ST3GAL5: variants seen among roughly 807,000 people sequenced by gnomAD.
The protein encoded by ST3GAL5 is lactosylceramide alpha-2,3-sialyltransferase.
In ST3GAL5, 25 loss-of-function variants were observed where a neutral mutation model predicts 46.1. That is an observed-to-expected ratio of 0.54 (90% CI 0.40 to 0.76). The LOEUF (loss-of-function observed/expected upper bound fraction) is 0.76. Among genes scored for constraint, ST3GAL5 ranks in the 30% least tolerant of loss-of-function variants. ST3GAL5 has a pLI of 0.00. For missense variants in ST3GAL5, 431 were observed against 521.2 expected, an observed-to-expected ratio of 0.83 and a Z score of 1.69; for synonymous variants, 182 against 192.7, an observed-to-expected ratio of 0.94 and a Z score of 0.46.
chr2:85,839,315 T>A lies in ST3GAL5; in HGVS notation c.*829A>T, dbSNP rs1050159533. ...CAAAACATTATTCCTGGAAAGGGTGTACTCTCCCATGACTCTGGATAATAG... is the reference window on the plus strand; with the variant it reads ...CAAAACATTATTCCTGGAAAGGGTGAACTCTCCCATGACTCTGGATAATAG... On this transcript the variant is annotated 3_prime_UTR_variant, in exon 7 of 7. Transcript: ENST00000638572. The A allele has an allele frequency of 1.3e-5, 2 of 152,228 alleles. No homozygotes were observed. Among genetic ancestry groups the A allele is most frequent in the Non-Finnish European group, 2.9e-5 (2 of 68,042 alleles). The allele number at this position is 152,228 out of a possible 1,614,324, so 9.4% of individuals were successfully genotyped here.
chr2:85,851,904 T>C (rs1683557810), intron 3 of ST3GAL5, among the ~76,000 whole-genome samples: 1 of 152,250 alleles, frequency 6.6e-6, no homozygotes, highest in South Asian at 2.1e-4. Context: ...GTTTCAGTTT[T>C]TAACATCTTC....
chr2:85,872,958 A>G (rs112008228), intron 1 of ST3GAL5, among the ~76,000 whole-genome samples: 3,133 of 152,354 alleles, frequency 0.021, 102 homozygotes, highest in African/African-American at 0.072. Flanking sequence ...TGCAACAGCT[A>G]CAACTACAGC....
At chr2:85,875,839 T>C (rs984526238) in intron 1 of ST3GAL5, among the ~76,000 whole-genome samples, 4 of 152,032 alleles carry the variant, frequency 2.6e-5, no homozygotes, top group African/African-American at 9.7e-5. Flanking sequence ...TCAGAGGAAC[T>C]CCTCTTTGCG....
chr2:85,875,565 C>T (rs950026732), intron 1 of ST3GAL5: 1 of 151,918 alleles, frequency 6.6e-6, no homozygotes, highest in Non-Finnish European at 1.5e-5. Flanking sequence ...AAAGGAAGAA[C>T]AAGAAACATG....
At chr2:85,872,388 G>A (rs1369456874) in intron 1 of ST3GAL5, among the ~76,000 whole-genome samples, 3 of 152,104 alleles carry the variant, frequency 2.0e-5, no homozygotes, top group African/African-American at 4.8e-5. Context: ...TTCGAGATCA[G>A]CCTGGCCAAC....
At chr2:85,847,594 G>A (rs1370388350) in intron 4 of ST3GAL5, 2 of 1,226,628 alleles carry the variant, frequency 1.6e-6, no homozygotes, top group African/African-American at 3.1e-5. Flanking sequence ...TAAAAGCGAT[G>A]TACCCCAGTC....
chr2:85,873,704 G>A (rs572656081), intron 1 of ST3GAL5, among the ~76,000 whole-genome samples: 1 of 152,338 alleles, frequency 6.6e-6, no homozygotes, highest in South Asian at 2.1e-4. Flanking sequence ...TGGGCTGCCA[G>A]GTCGGTAAAT....
At chr2:85,882,206 C>T (rs531461355) in intron 1 of ST3GAL5, among the ~76,000 whole-genome samples, 8 of 152,256 alleles carry the variant, frequency 5.3e-5, no homozygotes, top group East Asian at 3.9e-4. Context: ...GCTGCAGGGG[C>T]GGGGACCTCA....
intron 1 of ST3GAL5, among the ~76,000 whole-genome samples, chr2:85,880,233 G>A (rs1686999122): frequency 6.6e-6 from 1 of 152,174 alleles, no homozygotes; most frequent in Non-Finnish European, 1.5e-5. Context: ...AGGAGAGGGA[G>A]GAATTGTACA....
chr2:85,883,632 G>A (rs769346244), intron 1 of ST3GAL5, among the ~76,000 whole-genome samples: 1 of 152,204 alleles, frequency 6.6e-6, no homozygotes, highest in Non-Finnish European at 1.5e-5. Flanking sequence ...AGAATGTCAA[G>A]TGCAGCGTGC....
intron 2 of ST3GAL5, 53 bp from the exon 3 acceptor site, chr2:85,861,345 T>A: frequency 8.4e-7 from 1 of 1,187,990 alleles, no homozygotes; most frequent in Non-Finnish European, 1.3e-6. Flanking sequence ...AATCATGAGA[T>A]GCAATGTGAA....
chr2:85,852,346 C>T (rs942730654), intron 3 of ST3GAL5, among the ~76,000 whole-genome samples: 4 of 152,146 alleles, frequency 2.6e-5, no homozygotes, highest in Admixed American at 2.6e-4. Context: ...GTCGCTTCTT[C>T]GCAGGTTGCT....
intron 5 of ST3GAL5, 106 bp from the exon 6 acceptor site, chr2:85,844,660 G>A (rs1682557229): frequency 1.3e-6 from 2 of 1,483,622 alleles, no homozygotes; most frequent in Non-Finnish European, 1.9e-6. Flanking sequence ...GTGGCCCTGT[G>A]CACTGCCTTC....
intron 1 of ST3GAL5, among the ~76,000 whole-genome samples, chr2:85,869,763 A>C (rs1442191644): frequency 6.6e-6 from 1 of 152,202 alleles, no homozygotes; most frequent in Non-Finnish European, 1.5e-5. Flanking sequence ...CTTTCTGTGG[A>C]AGCCTCACTG....
In ST3GAL5 at chr2:85,844,396, C is replaced by G; in HGVS notation, c.1008G>C (p.Lys336Asn). Residue 336 changes from lysine to asparagine, a missense_variant and splice_region_variant, in exon 6 of 7, where the codon AAG becomes AAC. Coordinates refer to ENST00000638572, the MANE Select transcript of ST3GAL5 (RefSeq NM_003896.4). The stretch of plus-strand genomic sequence containing the variant: ...TAACTTTGAGTAGCAACAAAAATAC[C>G]TTATCTCGGCCCCAGAACCTTGACT... ...EPQSRFWGRD[K>N]NVPTIGVIAV... The G allele has an allele frequency of 6.2e-7, 1 of 1,614,144 alleles. No homozygotes were observed. Among genetic ancestry groups the G allele is most frequent in the Non-Finnish European group, 8.5e-7 (1 of 1,180,018 alleles).
intron 1 of ST3GAL5, chr2:85,867,702 C>T (rs558710135): frequency 6.0e-5 from 47 of 777,684 alleles, no homozygotes; most frequent in Non-Finnish European, 1.1e-4. Context: ...GTCTTAAATA[C>T]CATACTGAAG....
intron 1 of ST3GAL5, among the ~76,000 whole-genome samples, chr2:85,869,161 C>T (rs1419524348): frequency 6.6e-6 from 1 of 152,160 alleles, no homozygotes; most frequent in African/African-American, 2.4e-5. Context: ...GCGATACTCC[C>T]ACTTTGGTCT....
chr2:85,845,909 A>G (rs1244271242), intron 5 of ST3GAL5: 1 of 174,656 alleles, frequency 5.7e-6, no homozygotes, highest in Non-Finnish European at 1.2e-5. Context: ...GAACCACTGG[A>G]AGAGGGCCAG....
chr2:85,879,277 C>T (rs748427173), intron 1 of ST3GAL5, among the ~76,000 whole-genome samples: 2 of 152,134 alleles, frequency 1.3e-5, no homozygotes, highest in African/African-American at 2.4e-5. Flanking sequence ...GTGCCCAAGC[C>T]AGGAGGGGCT....
Sources: gnomAD v4.1 joint callset for allele counts (sites outside exome capture counted in the v4.1 genomes callset) on GRCh38, gnomAD v4.1.1 for gene constraint, MANE v1.5 for transcripts, NCBI Gene and HGNC (gene_info 2026-07-23, HGNC 2026-07-21) for gene names.